Variants in BLM observed in about 807,000 individuals in gnomAD.
BLM encodes recQ-like DNA helicase BLM.
In BLM, 95 loss-of-function variants were observed where a neutral mutation model predicts 135.3. The observed-to-expected ratio is 0.70, with a 90% confidence interval of 0.59 to 0.83. The LOEUF (loss-of-function observed/expected upper bound fraction) is 0.83, where lower values mean the gene tolerates loss of function less well. Ranked by LOEUF, BLM falls within the 40% of genes least tolerant of loss-of-function variation. The pLI, the probability that BLM is intolerant of heterozygous loss-of-function variation, is 0.00. For synonymous variants in BLM, 520 were observed against 589.2 expected, an observed-to-expected ratio of 0.88 and a Z score of 1.70; for missense variants, 1,518 against 1,663.9, an observed-to-expected ratio of 0.91 and a Z score of 1.53.
intron 7 of BLM, 104 bp from the exon 8 acceptor site, chr15:90,762,862 C>A: frequency 9.3e-7 from 1 of 1,075,116 alleles, no homozygotes; most frequent in South Asian, 1.5e-5. Context: ...AACTGTGCTG[C>A]AGGGAAACGT....
rs78245289 is a variant in BLM, at chr15:90,731,561, C to T, written c.-5+14121C>T. ...TAGGACTTCTTTAATGGTTATAAGG[C>T]TATTAGGTTTTCTGTTTATTTTTGA... On this transcript the variant is annotated intron_variant, in intron 1 of 21. Coordinates refer to ENST00000355112, the MANE Select transcript of BLM (RefSeq NM_000057.4). Among the ~76,000 whole-genome samples, 788 of 151,976 alleles carry T rather than the reference C, an allele frequency of 5.2e-3. 21 individuals are homozygous for T. In the East Asian group the frequency reaches 0.062, roughly 12 times the overall value.
rs2151147608 is a variant in BLM, at chr15:90,749,829, A to C, written c.561A>C (p.Lys187Asn). 1 of 1,593,990 alleles carries C rather than the reference A, an allele frequency of 6.3e-7. No homozygotes were observed. The highest frequency in any genetic ancestry group is 8.5e-7 in the Non-Finnish European group (1 of 1,171,388). ...GAGTAAGCACTGCTCAGAAATCAAA[A>C]AAGGGTAAGAGAAACTTTTTTAAAG... ...FVRVSTAQKS[K>N]KGKRNFFKAQ... is the part of the protein sequence containing the mutation. Residue 187 changes from lysine to asparagine, a missense_variant, in exon 3 of 22, where the codon AAA (lysine) becomes AAC (asparagine). Coordinates refer to ENST00000355112, the MANE Select transcript of BLM (RefSeq NM_000057.4).
chr15:90,759,387 C>A (rs1953896417), intron 5 of BLM, among the ~76,000 whole-genome samples: 1 of 150,666 alleles, frequency 6.6e-6, no homozygotes, highest in African/African-American at 2.4e-5. Flanking sequence ...CATGGCAAGA[C>A]CCTGTCTCTA....
At chr15:90,736,601 T>C (rs1895224074) in intron 1 of BLM, among the ~76,000 whole-genome samples, 1 of 152,136 alleles carries the variant, frequency 6.6e-6, no homozygotes, top group African/African-American at 2.4e-5. Flanking sequence ...ACAAAGTTAT[T>C]TGTTGCAGCA....
intron 1 of BLM, among the ~76,000 whole-genome samples, chr15:90,720,946 C>A (rs907557158): frequency 6.6e-6 from 1 of 152,090 alleles, no homozygotes; most frequent in East Asian, 1.9e-4. Context: ...ATGATCCCAG[C>A]ACTTTGGGAA....
intron 1 of BLM, among the ~76,000 whole-genome samples, chr15:90,732,530 G>T (rs1237448467): frequency 6.9e-6 from 1 of 145,606 alleles, no homozygotes; most frequent in Non-Finnish European, 1.5e-5. Context: ...AAGGAAAACA[G>T]AAACTGAAAT....
intron 1 of BLM, among the ~76,000 whole-genome samples, chr15:90,727,636 TG>T (rs1400763426): frequency 6.6e-6 from 1 of 152,136 alleles, no homozygotes; most frequent in Non-Finnish European, 1.5e-5. Context: ...CAGCTTCTTT[TG>T]GGCAGAAACA....
chr15:90,732,759 G>T (rs1895101520), intron 1 of BLM, among the ~76,000 whole-genome samples: 1 of 152,118 alleles, frequency 6.6e-6, no homozygotes, highest in South Asian at 2.1e-4. Context: ...GATAAAAAGA[G>T]AAATTAGTAA....
intron 12 of BLM, among the ~76,000 whole-genome samples, chr15:90,772,989 G>T (rs1013968133): frequency 6.6e-6 from 1 of 151,334 alleles, no homozygotes; most frequent in Non-Finnish European, 1.5e-5. Context: ...CCCAGCTACT[G>T]GGGAAGCTGA....
intron 1 of BLM, among the ~76,000 whole-genome samples, chr15:90,741,072 G>A (rs772231573): frequency 9.2e-5 from 14 of 152,092 alleles, no homozygotes; most frequent in Non-Finnish European, 1.6e-4. Context: ...GTGTATGAGG[G>A]TTCTGATTTC....
chr15:90,754,509 A>G lies in BLM; in HGVS notation c.960-302A>G, dbSNP rs3213193. Among the ~76,000 whole-genome samples the G allele has an allele frequency of 1.2e-3, 188 of 152,318 alleles. 4 individuals are homozygous for G. The East Asian group carries it at 0.028, about 23-fold the overall frequency. ...GCAGGTTTTCCAAATTGAGAGGATC[A>G]GTGGCAAAATCCCCAAAATAGGCAA... On this transcript the variant is annotated intron_variant, in intron 4 of 21. Coordinates refer to ENST00000355112, the MANE Select transcript of BLM (RefSeq NM_000057.4).
chr15:90,761,955 T>C (rs1384196643), intron 7 of BLM, among the ~76,000 whole-genome samples: 4 of 152,214 alleles, frequency 2.6e-5, no homozygotes, highest in Non-Finnish European at 5.9e-5. Context: ...CCCTATAAAG[T>C]TATCAAAAGT....
intron 10 of BLM, 21 bp downstream of exon 10, chr15:90,767,044 T>A (rs1487173739): frequency 7.1e-7 from 1 of 1,403,640 alleles, no homozygotes; most frequent in Non-Finnish European, 1.0e-6. Context: ...ATATCATTAT[T>A]TTAAAATATA....
At chr15:90,782,080 A>G (rs995351675) in intron 12 of BLM, among the ~76,000 whole-genome samples, 1 of 152,180 alleles carries the variant, frequency 6.6e-6, no homozygotes, top group Non-Finnish European at 1.5e-5. Context: ...TGCTAGCGAC[A>G]ATATTCAACT....
At chr15:90,790,542 G>T (rs1567056439) in intron 14 of BLM, 107 bp from the exon 15 acceptor site, 1 of 1,046,954 alleles carries the variant, frequency 9.6e-7, no homozygotes, top group Non-Finnish European at 1.5e-6. Context: ...TATGTAGTGT[G>T]CATTTTAAAG....
rs1596273687 is a variant in BLM at position 90,811,354 on chromosome 15, T to C, written c.4024T>C (p.Ser1342Pro). The change falls in exon 21 of 22, where the codon TCC becomes CCC. Residue 1342 changes from serine to proline, a missense_variant. By Grantham distance (74) the Ser-to-Pro change is moderately conservative. Transcript: ENST00000355112. ...AAGGAAGAGGAAAAAGATGCCAGCC[T>C]CCCAAAGGTCTAAGAGGAGAAAAAC... is the stretch of plus-strand genomic sequence containing the variant. ...NERKRKKMPA[S>P]QRSKRRKTAS... 1.1e-5 allele frequency: 18 copies of C among 1,613,956 alleles called. No homozygotes were observed. Among genetic ancestry groups the C allele is most frequent in the Non-Finnish European group, 1.5e-5 (18 of 1,180,012 alleles).
intron 12 of BLM, among the ~76,000 whole-genome samples, chr15:90,773,401 T>C (rs1464648541): frequency 6.6e-6 from 1 of 151,298 alleles, no homozygotes; most frequent in Non-Finnish European, 1.5e-5. Flanking sequence ...GCCTGGGTGA[T>C]AGAGCGAGAC....
intron 1 of BLM, among the ~76,000 whole-genome samples, chr15:90,725,205 G>A (rs544122980): frequency 4.0e-5 from 6 of 151,864 alleles, no homozygotes; most frequent in Non-Finnish European, 5.9e-5. Flanking sequence ...CACCACGCCC[G>A]GCCCCCAGAG....
At position 90,766,922 on chromosome 15, in the gene BLM, TATC is replaced by T. The variant is rs750667270; in HGVS notation, c.2207_2209del (p.Tyr736del). 172 of 1,590,152 alleles carry T rather than the reference TATC, an allele frequency of 1.1e-4. No individual in the cohort carries two copies. Among genetic ancestry groups the T allele is most frequent in the Admixed American group, 1.7e-4 (10 of 59,764 alleles). On this transcript the variant is annotated inframe_deletion, in exon 10 of 22. Transcript: ENST00000355112. ...CTTTTATACTTAGATTCCAGCTACA[TATC>T]TGACAGGTGATAAGACTGACTCAGA... is the stretch of plus-strand genomic sequence containing the variant.
Sources: allele counts gnomAD v4.1 joint callset (sites outside exome capture counted in the v4.1 genomes callset), GRCh38; gene constraint gnomAD v4.1.1; transcripts MANE v1.5; gene names NCBI Gene and HGNC (gene_info 2026-07-23, HGNC 2026-07-21).